MDGA2: variants seen among roughly 807,000 people sequenced by gnomAD.
MDGA2 encodes the protein MAM domain-containing glycosylphosphatidylinositol anchor protein 2.
Under a neutral mutation model 117.8 loss-of-function variants are expected in MDGA2, and 40 were observed. The observed-to-expected ratio is 0.34, with a 90% CI of 0.26 to 0.44. The LOEUF is 0.44. MDGA2 is among the 20% of genes least tolerant of loss of function. The pLI, the probability that MDGA2 is intolerant of heterozygous loss-of-function variation, is 1.00. For synonymous variants in MDGA2, 452 were observed against 439.0 expected, an observed-to-expected ratio of 1.03 and a Z score of -0.37; for missense variants, 1,123 against 1,250.6, an observed-to-expected ratio of 0.90 and a Z score of 1.54.
intron 2 of MDGA2, among the ~76,000 whole-genome samples, chr14:47,234,274 T>C (rs907277926): frequency 6.6e-6 from 1 of 151,160 alleles, no homozygotes; most frequent in South Asian, 2.1e-4. Flanking sequence ...TATATGTAGA[T>C]ATATGTGAAA....
At chr14:47,336,037 G>A (rs982295996) in intron 1 of MDGA2, among the ~76,000 whole-genome samples, 13 of 151,688 alleles carry the variant, frequency 8.6e-5, no homozygotes, top group Non-Finnish European at 1.5e-4. Flanking sequence ...ACTTTTCTGA[G>A]TGTGAAGCCC....
intron 1 of MDGA2, among the ~76,000 whole-genome samples, chr14:47,586,509 C>A (rs978782558): frequency 2.6e-5 from 4 of 151,938 alleles, no homozygotes; most frequent in African/African-American, 9.7e-5. Flanking sequence ...TGATAGGCAT[C>A]AAAGAACAGG....
At chr14:47,423,543 C>T (rs1892622556) in intron 1 of MDGA2, among the ~76,000 whole-genome samples, 2 of 127,110 alleles carry the variant, frequency 1.6e-5, no homozygotes, top group Non-Finnish European at 3.3e-5. Flanking sequence ...CTTAGTTTCC[C>T]CTATCCCCAC....
At chr14:47,504,742 C>T (rs985203029) in intron 1 of MDGA2, among the ~76,000 whole-genome samples, 11 of 151,984 alleles carry the variant, frequency 7.2e-5, no homozygotes, top group Admixed American at 3.9e-4. Context: ...TTATACTGTT[C>T]GTGGGATAGT....
chr14:47,580,256 A>G (rs1208883991), intron 1 of MDGA2, among the ~76,000 whole-genome samples: 1 of 152,048 alleles, frequency 6.6e-6, no homozygotes, highest in African/African-American at 2.4e-5. Context: ...CACAAGATTC[A>G]GTGTCTTGTG....
intron 1 of MDGA2, among the ~76,000 whole-genome samples, chr14:47,540,520 A>ATGTGTGTGTGTG (rs147620834): frequency 0.014 from 1,400 of 102,450 alleles, 49 homozygotes; most frequent in South Asian, 0.027. Flanking sequence ...GTATATGTAT[A>ATGTGTGTGTGTG]TGTGTGTGTG....
rs761020579 is a variant in MDGA2 at position 46,957,478 on chromosome 14, T to C, written c.1985A>G (p.Tyr662Cys). 1.9e-6 allele frequency: 3 copies of C among 1,614,162 alleles called. No homozygotes were observed. Among genetic ancestry groups the C allele is most frequent in the South Asian group, 2.2e-5 (2 of 91,084 alleles). ...LRTGQFDSQE[Y>C]TEYAVKSLSN... Reference sequence around the variant, plus strand: ...AAGACTCTTCACAGCGTACTCTGTGTATTCCTGAGAGTCAAATTGACCCGT... The same window carrying C: ...AAGACTCTTCACAGCGTACTCTGTGCATTCCTGAGAGTCAAATTGACCCGT... The change falls in exon 9 of 17, where the codon TAC becomes TGC. Residue 662 changes from tyrosine to cysteine, a missense_variant. Coordinates refer to ENST00000399232, the MANE Select transcript of MDGA2 (RefSeq NM_001113498.3).
intron 1 of MDGA2, among the ~76,000 whole-genome samples, chr14:47,456,716 C>T (rs531713646): frequency 1.7e-4 from 26 of 151,916 alleles, no homozygotes; most frequent in African/African-American, 3.9e-4. Context: ...TAAATGCACA[C>T]GATTAAATGG....
intron 1 of MDGA2, among the ~76,000 whole-genome samples, chr14:47,350,629 C>T (rs1367592594): frequency 6.6e-6 from 1 of 152,094 alleles, no homozygotes; most frequent in Non-Finnish European, 1.5e-5. Context: ...ATAATTGAAG[C>T]CTTCATTCAA....
chr14:47,070,957 T>C (rs1019570784), intron 6 of MDGA2, among the ~76,000 whole-genome samples: 3 of 152,250 alleles, frequency 2.0e-5, no homozygotes, highest in Admixed American at 2.0e-4. Context: ...ATCCTCCTGC[T>C]TTTATTACAT....
At chr14:47,171,328 A>G (rs11623095) in intron 3 of MDGA2, among the ~76,000 whole-genome samples, 58,759 of 151,842 alleles carry the variant, frequency 0.39, 11,922 homozygotes, top group African/African-American at 0.51. Context: ...AATATTATAT[A>G]AATTCTTAAC....
chr14:46,865,425 G>C (rs1408599329), intron 14 of MDGA2, among the ~76,000 whole-genome samples: 1 of 152,082 alleles, frequency 6.6e-6, no homozygotes, highest in African/African-American at 2.4e-5. Context: ...CAAACCCACA[G>C]CCAATATCAT....
intron 8 of MDGA2, among the ~76,000 whole-genome samples, chr14:46,963,999 A>T (rs1885914657): frequency 6.6e-6 from 1 of 152,150 alleles, no homozygotes; most frequent in African/African-American, 2.4e-5. Flanking sequence ...GATTATTTTC[A>T]CTATTAGAAC....
At chr14:46,890,437 T>C (rs1491912) in intron 10 of MDGA2, among the ~76,000 whole-genome samples, 5,684 of 152,240 alleles carry the variant, frequency 0.037, 364 homozygotes, top group African/African-American at 0.13. Flanking sequence ...TACTTTCAAC[T>C]TGCATTTAGC....
intron 1 of MDGA2, among the ~76,000 whole-genome samples, chr14:47,462,861 A>G (rs2138595641): frequency 6.6e-6 from 1 of 152,370 alleles, no homozygotes. Flanking sequence ...AAGTGATTGA[A>G]CACGTTAGCA....
intron 6 of MDGA2, among the ~76,000 whole-genome samples, chr14:47,069,674 T>C (rs992600521): frequency 6.6e-6 from 1 of 152,222 alleles, no homozygotes; most frequent in African/African-American, 2.4e-5. Flanking sequence ...ATGTTCTCTT[T>C]CCTTTTGCTG....
chr14:46,902,500 G>A (rs1019742138), intron 10 of MDGA2, among the ~76,000 whole-genome samples: 13 of 151,832 alleles, frequency 8.6e-5, no homozygotes, highest in African/African-American at 3.1e-4. Context: ...ACTCTTTGAA[G>A]GAAAAAATCT....
intron 1 of MDGA2, among the ~76,000 whole-genome samples, chr14:47,596,053 A>C (rs961239082): frequency 1.3e-5 from 2 of 152,200 alleles, no homozygotes; most frequent in African/African-American, 4.8e-5. Flanking sequence ...AGGTTGGGGA[A>C]CCTGGCTGCA....
At chr14:47,301,599 G>A in intron 1 of MDGA2, 49 bp from the exon 2 acceptor site, 1 of 1,543,678 alleles carries the variant, frequency 6.5e-7, no homozygotes, top group Non-Finnish European at 8.8e-7. Flanking sequence ...AGGTAAGTCA[G>A]TGATCTTCTC....
Sources: allele counts gnomAD v4.1 joint callset (sites outside exome capture counted in the v4.1 genomes callset), GRCh38; gene constraint gnomAD v4.1.1; transcripts MANE v1.5; gene names NCBI Gene and HGNC (gene_info 2026-07-23, HGNC 2026-07-21).